WASHC2C: variants seen among roughly 807,000 people sequenced by gnomAD.
WASHC2C encodes Vaccinia Penetration Factor.
A neutral mutation model predicts 142.2 loss-of-function variants in WASHC2C; 73 were observed. That is an observed-to-expected ratio of 0.51 (90% CI 0.43 to 0.62). The LOEUF (loss-of-function observed/expected upper bound fraction) is 0.62. Among genes scored for constraint, WASHC2C ranks in the 20% least tolerant of loss-of-function variants. The pLI is 0.00. For synonymous variants in WASHC2C, 337 were observed against 565.5 expected (o/e 0.60, Z 5.73); for missense variants, 969 against 1,531.7 (o/e 0.63, Z 6.13).
chr10:45,758,853 A>AGT (rs1160692674), intron 16 of WASHC2C, among the ~76,000 whole-genome samples: 3 of 149,730 alleles, frequency 2.0e-5, no homozygotes, highest in Non-Finnish European at 1.5e-5. Flanking sequence ...GCATTTGGCC[A>AGT]GTGTGTGTGT....
chr10:45,768,234 GAAAA>G (rs1169870861), intron 19 of WASHC2C, among the ~76,000 whole-genome samples: 6 of 76,488 alleles, frequency 7.8e-5, no homozygotes, highest in Non-Finnish European at 1.6e-4. Flanking sequence ...CTCGAAAAAG[GAAAA>G]AAAAAAAAAA....
At position 45,789,227 on chromosome 10, in the gene WASHC2C, A is replaced by G. The variant is rs1295754287; in HGVS notation, c.3444A>G (p.Thr1148=). The G allele has an allele frequency of 8.1e-4, 1,305 of 1,611,978 alleles. No homozygotes were observed. Among genetic ancestry groups the G allele is most frequent in the Non-Finnish European group, 1.0e-3 (1,179 of 1,179,882 alleles). Residue 1148 remains threonine, a synonymous_variant, in exon 29 of 31, where the codon ACA becomes ACG. Transcript: ENST00000623400. ...CTGGATCTCAGTCCGTGGAGAGAAC[A>G]AAACCCAAGGCAAAGATAGCAGAGA... is the stretch of plus-strand genomic sequence containing the variant. ...TGTGSQSVER[T]KPKAKIAENP...
chr10:45,791,099 C>T (rs1473309479), intron 30 of WASHC2C, among the ~76,000 whole-genome samples: 1 of 138,514 alleles, frequency 7.2e-6, no homozygotes, highest in Admixed American at 7.6e-5. Context: ...CCCGAGAACC[C>T]TAAATATTGG....
At position 45,789,197 on chromosome 10, in the gene WASHC2C, G is replaced by A. The variant is rs1310386349; in HGVS notation, c.3414G>A (p.Thr1138=). ...DLFDSGDIFS[T]GTGSQSVERT... ...TTGATTCTGGGGACATTTTTTCCAC[G>A]GGCACTGGATCTCAGTCCGTGGAGA... Residue 1138 remains threonine, a synonymous_variant, in exon 29 of 31, where the codon ACG becomes ACA. Coordinates refer to ENST00000623400, the MANE Select transcript of WASHC2C (RefSeq NM_001330074.2). 833 of 1,612,022 alleles carry A rather than the reference G, an allele frequency of 5.2e-4. 5 individuals are homozygous for A. In the African/African-American group the frequency reaches 8.3e-3, roughly 16 times the overall value.
At chr10:45,732,356 G>A (rs1477718039) in intron 3 of WASHC2C, among the ~76,000 whole-genome samples, 1 of 152,162 alleles carries the variant, frequency 6.6e-6, no homozygotes, top group Non-Finnish European at 1.5e-5. Flanking sequence ...AGTACCATTA[G>A]TAAAGGCTCA....
intron 8 of WASHC2C, among the ~76,000 whole-genome samples, chr10:45,746,881 G>A (rs531250784): frequency 1.0e-3 from 151 of 151,016 alleles, no homozygotes; most frequent in African/African-American, 3.4e-3. Context: ...GAAGTGAAAA[G>A]CACAATTGGA....
chr10:45,764,863 C>T (rs1175575988), intron 18 of WASHC2C, among the ~76,000 whole-genome samples: 1 of 152,078 alleles, frequency 6.6e-6, no homozygotes, highest in African/African-American at 2.4e-5. Flanking sequence ...CAATGGACAC[C>T]AGCTCATTAT....
intron 3 of WASHC2C, among the ~76,000 whole-genome samples, chr10:45,736,820 T>C (rs1441354146): frequency 6.6e-6 from 1 of 151,812 alleles, no homozygotes; most frequent in Non-Finnish European, 1.5e-5. Context: ...TGAGATAGAA[T>C]TCACATACCA....
chr10:45,754,656 C>T (rs2054017754), intron 14 of WASHC2C, 111 bp downstream of exon 14: 1 of 1,086,394 alleles, frequency 9.2e-7, no homozygotes, highest in East Asian at 2.6e-5. Flanking sequence ...CTGGGAGCTT[C>T]AAAGGGCTTT....
intron 23 of WASHC2C, among the ~76,000 whole-genome samples, chr10:45,781,227 T>C (rs1342563789): frequency 2.6e-5 from 4 of 152,210 alleles, no homozygotes; most frequent in Admixed American, 1.3e-4. Context: ...AGACCTAAAA[T>C]TGATGGAAAG....
chr10:45,787,171 T>A lies in WASHC2C; in HGVS notation c.3011T>A (p.Val1004Asp). 1 of 1,562,082 alleles carries A rather than the reference T, an allele frequency of 6.4e-7. No homozygotes were observed. The highest frequency in any genetic ancestry group is 1.1e-5 in the South Asian group (1 of 87,330). The stretch of plus-strand genomic sequence containing the variant: ...AGCCACGGTCTGGAAAGTGTGCCTG[T>A]CCTTCCCGGGAGTGGGGAGGCCGGT... ...RRSHGLESVP[V>D]LPGSGEAGVS... is the part of the protein sequence containing the mutation. The change falls in exon 28 of 31, where the codon GTC becomes GAC. Residue 1004 changes from valine (V) to aspartate (D), a missense_variant. Val to Asp is a radical substitution (Grantham distance 152, BLOSUM62 -3). Transcript: ENST00000623400.
Position 45,791,608 on chromosome 10 carries a change from C to T in WASHC2C, c.3887-653C>T, listed in dbSNP as rs1224330697. On this transcript the variant is annotated intron_variant, in intron 30 of 30. Coordinates refer to ENST00000623400, the MANE Select transcript of WASHC2C (RefSeq NM_001330074.2). ...TTATATTTAGCCATTAGCCTGTTGA[C>T]GGCAATCTCGATTGTTTCTGTTTTC... 3.5e-4 allele frequency among the ~76,000 whole-genome samples: 51 copies of T among 146,120 alleles called. 9 individuals are homozygous for T. The highest frequency in any genetic ancestry group is 7.1e-4 in the Admixed American group (10 of 14,110).
intron 21 of WASHC2C, among the ~76,000 whole-genome samples, chr10:45,775,752 G>A (rs2057015638): frequency 6.8e-6 from 1 of 146,960 alleles, no homozygotes; most frequent in Non-Finnish European, 1.5e-5. Flanking sequence ...GCGCATCTCG[G>A]CTCACTGCAA....
At chr10:45,768,646 C>T (rs2056226283) in intron 19 of WASHC2C, among the ~76,000 whole-genome samples, 2 of 152,162 alleles carry the variant, frequency 1.3e-5, no homozygotes, top group Admixed American at 1.3e-4. Flanking sequence ...CTAAAGGCCA[C>T]ATTCAGACTT....
At chr10:45,763,248 G>C in intron 17 of WASHC2C, 140 bp from the exon 18 acceptor site, 1 of 599,084 alleles carries the variant, frequency 1.7e-6, no homozygotes, top group Admixed American at 3.0e-5. Flanking sequence ...TAAGGACTCT[G>C]TCTGAGCCAC....
At chr10:45,730,931 T>C (rs1189703980) in intron 3 of WASHC2C, among the ~76,000 whole-genome samples, 1 of 151,450 alleles carries the variant, frequency 6.6e-6, no homozygotes, top group African/African-American at 2.4e-5. Context: ...GGAAGTTTAC[T>C]TTGTACCCAG....
chr10:45,729,391 G>C (rs2610479), intron 3 of WASHC2C, among the ~76,000 whole-genome samples: 5 of 152,332 alleles, frequency 3.3e-5, no homozygotes, highest in East Asian at 1.9e-4. Context: ...TATGGTTTCA[G>C]TTGTTGATTG....
At chr10:45,784,262 A>ATG (rs2057773637) in intron 23 of WASHC2C, among the ~76,000 whole-genome samples, 8 of 4,840 alleles carry the variant, frequency 1.7e-3, no homozygotes, top group Middle Eastern at 0.062. Context: ...GTATATATAT[A>ATG]TATATATATA....
intron 3 of WASHC2C, among the ~76,000 whole-genome samples, chr10:45,736,385 A>G (rs1427070171): frequency 5.5e-4 from 75 of 137,328 alleles, no homozygotes; most frequent in African/African-American, 1.8e-3. Context: ...CAGCCTTGGC[A>G]ACAGAGTGAG....
Sources: allele counts gnomAD v4.1 joint callset (sites outside exome capture counted in the v4.1 genomes callset), GRCh38; gene constraint gnomAD v4.1.1; transcripts MANE v1.5; gene names NCBI Gene and HGNC (gene_info 2026-07-23, HGNC 2026-07-21).